The following RAMACL variants were observed in gnomAD, a reference collection of about 807,000 sequenced individuals.
RAMACL encodes RNA guanine-7 methyltransferase activating subunit like.
Under a neutral mutation model 13.4 loss-of-function variants are expected in RAMACL, and 9 were observed. That is an observed-to-expected ratio of 0.67 (90% CI 0.41 to 1.17). RAMACL has a LOEUF of 1.17. RAMACL is among the 50% of genes most tolerant of loss of function. RAMACL has a pLI of 0.01. For missense variants in RAMACL, 124 were observed against 141.6 expected (o/e 0.88, Z 0.63); for synonymous variants, 39 against 49.3 (o/e 0.79, Z 0.88).
chr6:166,584,831 T>C (rs1785118917), downstream of RAMACL, among the ~76,000 whole-genome samples: 1 of 152,228 alleles, frequency 6.6e-6, no homozygotes, highest in South Asian at 2.1e-4. Context: ...ATTGATCTAT[T>C]TGAAATGCAA....
At chr6:166,583,063 A>T (rs368379598), downstream of RAMACL, among the ~76,000 whole-genome samples, 5 of 152,228 alleles carry the variant, frequency 3.3e-5, no homozygotes, top group South Asian at 2.1e-4. Flanking sequence ...GACTTGAAGC[A>T]TATACACGAT....
chr6:166,586,309 G>T (rs1053773428), exon 1 of RAMACL: 3 of 1,599,062 alleles, frequency 1.9e-6, no homozygotes, highest in South Asian at 2.2e-5. Context: ...TCTTGCAACC[G>T]ATTGCCTCTG....
chr6:166,586,538 G>A (rs747166726), exon 1 of RAMACL: 23 of 1,498,578 alleles, frequency 1.5e-5, no homozygotes, highest in Non-Finnish European at 2.1e-5. Flanking sequence ...GTTTAAATCC[G>A]CCAAGGGCTA....
downstream of RAMACL, among the ~76,000 whole-genome samples, chr6:166,584,759 G>A (rs112469295): frequency 0.017 from 2,653 of 152,328 alleles, 28 homozygotes; most frequent in Non-Finnish European, 0.027. Flanking sequence ...CAGTAAATAC[G>A]TTGAGGAGCT....
downstream of RAMACL, among the ~76,000 whole-genome samples, chr6:166,583,141 T>G (rs1785070812): frequency 1.3e-5 from 2 of 152,338 alleles, no homozygotes; most frequent in South Asian, 4.1e-4. Context: ...TTCGCATACT[T>G]TTCAAGGTAT....
At chr6:166,584,140 T>C (rs1785102330), downstream of RAMACL, among the ~76,000 whole-genome samples, 1 of 152,204 alleles carries the variant, frequency 6.6e-6, no homozygotes, top group Non-Finnish European at 1.5e-5. Flanking sequence ...TTATTTCCCA[T>C]AGTTCTGGAA....
At chr6:166,586,623 C>T (rs1317479149) in exon 1 of RAMACL, 49 of 687,774 alleles carry the variant, frequency 7.1e-5, no homozygotes, top group Non-Finnish European at 1.1e-4. Flanking sequence ...TGGTCCACTA[C>T]ACCGTGGAAC....
chr6:166,586,042 CTA>C, exon 1 of RAMACL: 1 of 697,442 alleles, frequency 1.4e-6, no homozygotes. Context: ...AGATGTAAAA[CTA>C]TGACCAACAG....
chr6:166,586,269 C>G (rs1201713196), exon 1 of RAMACL: 77 of 1,597,452 alleles, frequency 4.8e-5, no homozygotes, highest in Non-Finnish European at 6.4e-5. Context: ...CCACCCCCAT[C>G]TGTTGTCCCT....
chr6:166,586,663 C>G (rs900925879), exon 1 of RAMACL, among the ~76,000 whole-genome samples: 7 of 124,560 alleles, frequency 5.6e-5, no homozygotes, highest in Middle Eastern at 3.6e-3. Flanking sequence ...CCAATGTAAC[C>G]GAGCGCCTTC....
downstream of RAMACL, among the ~76,000 whole-genome samples, chr6:166,583,733 C>T (rs559792064): frequency 4.6e-5 from 7 of 152,320 alleles, no homozygotes; most frequent in Non-Finnish European, 5.9e-5. Flanking sequence ...TGGCAGAAGA[C>T]GTATCTCACT....
At chr6:166,585,498 CTTTT>C (rs58153048), downstream of RAMACL, among the ~76,000 whole-genome samples, 3 of 86,304 alleles carry the variant, frequency 3.5e-5, no homozygotes, top group African/African-American at 2.1e-4. Flanking sequence ...TCAAACAAGT[CTTTT>C]TTTTTTTTTT....
chr6:166,583,148 G>A (rs1785071047), downstream of RAMACL, among the ~76,000 whole-genome samples: 3 of 152,168 alleles, frequency 2.0e-5, no homozygotes, highest in South Asian at 6.2e-4. Flanking sequence ...ACTTTTCAAG[G>A]TATCATATTA....
downstream of RAMACL, among the ~76,000 whole-genome samples, chr6:166,584,513 TACA>T (rs1785110830): frequency 6.6e-6 from 1 of 152,196 alleles, no homozygotes; most frequent in African/African-American, 2.4e-5. Context: ...ATTTACATCT[TACA>T]ACACTTTTTA....
downstream of RAMACL, among the ~76,000 whole-genome samples, chr6:166,584,595 G>A (rs1459762867): frequency 2.6e-5 from 4 of 152,174 alleles, no homozygotes; most frequent in Admixed American, 2.6e-4. Flanking sequence ...GCATTCTGGG[G>A]ATACTCAGCA....
chr6:166,586,548 A>G (rs1463654599), exon 1 of RAMACL: 1 of 1,459,516 alleles, frequency 6.9e-7, no homozygotes, highest in Non-Finnish European at 9.3e-7. Flanking sequence ...GCCAAGGGCT[A>G]TGTCTATCCA....
At chr6:166,585,255 G>A (rs1785132244), downstream of RAMACL, among the ~76,000 whole-genome samples, 1 of 152,226 alleles carries the variant, frequency 6.6e-6, no homozygotes, top group East Asian at 1.9e-4. Flanking sequence ...TCCTCGCTGG[G>A]ATGGACTTTC....
chr6:166,586,073 T>C, exon 1 of RAMACL: 1 of 1,030,828 alleles, frequency 9.7e-7, no homozygotes. Context: ...CAAACTTTTC[T>C]CATGGTAACA....
exon 1 of RAMACL, chr6:166,586,266 C>G (rs1785169342): frequency 1.3e-6 from 2 of 1,597,376 alleles, no homozygotes; most frequent in Non-Finnish European, 8.5e-7. Flanking sequence ...TGGCCACCCC[C>G]ATCTGTTGTC....
Sources: gnomAD v4.1 joint callset for allele counts (sites outside exome capture counted in the v4.1 genomes callset) on GRCh38, gnomAD v4.1.1 for gene constraint, MANE v1.5 for transcripts, NCBI Gene and HGNC (gene_info 2026-07-23, HGNC 2026-07-21) for gene names.